The following VPS13C variants were observed in gnomAD, a reference collection of about 807,000 sequenced individuals.
The protein encoded by VPS13C is vacuolar protein sorting 13 homolog C, also known as intermembrane lipid transfer protein VPS13C.
In VPS13C, 358 loss-of-function variants were observed where a neutral mutation model predicts 456.8. The ratio of observed to expected loss-of-function variants is 0.78; its 90% CI spans 0.72 to 0.86. The LOEUF (loss-of-function observed/expected upper bound fraction) is 0.86, where lower values mean the gene tolerates loss of function less well. Ranked by LOEUF, VPS13C falls within the 40% of genes least tolerant of loss-of-function variation. The probability of loss-of-function intolerance (pLI) is 0.00; values close to 1 mark genes in which losing one functional copy is unlikely to be tolerated. For synonymous variants in VPS13C, 1,578 were observed against 1,486.7 expected (o/e 1.06, Z -1.41); for missense variants, 4,818 against 4,385.4 (o/e 1.10, Z -2.79).
chr15:61,975,725 C>T, intron 24 of VPS13C, among the ~76,000 whole-genome samples: 1 of 152,018 alleles, frequency 6.6e-6, no homozygotes, highest in Non-Finnish European at 1.5e-5. Flanking sequence ...TAGTTCTACA[C>T]AGTATCTTCC....
At chr15:61,878,574 C>G (rs559342000) in intron 74 of VPS13C, 33 bp downstream of exon 74, 9 of 1,597,764 alleles carry the variant, frequency 5.6e-6, no homozygotes, top group South Asian at 4.5e-5. Flanking sequence ...CTTGGTACAC[C>G]TGCTTCTCAA....
intron 6 of VPS13C, among the ~76,000 whole-genome samples, chr15:62,026,461 G>A (rs2047644228): frequency 6.6e-6 from 1 of 152,086 alleles, no homozygotes; most frequent in African/African-American, 2.4e-5. Flanking sequence ...TCTCAAGTTG[G>A]CAAATACAAG....
chr15:61,922,895 GTAAC>G (rs1313022561), intron 53 of VPS13C, 133 bp from the exon 54 acceptor site: 5 of 746,100 alleles, frequency 6.7e-6, no homozygotes, highest in African/African-American at 1.8e-5. Context: ...TTAAATTAAA[GTAAC>G]TAATTTAAAT....
Position 61,951,960 on chromosome 15 carries a change from T to C in VPS13C, c.4320A>G (p.Lys1440=). The C allele has an allele frequency of 6.2e-7, 1 of 1,613,038 alleles. No individual in the cohort carries two copies. The highest frequency in any genetic ancestry group is 8.5e-7 in the Non-Finnish European group (1 of 1,179,646). Residue 1440 remains lysine (K), a synonymous_variant, in exon 39 of 85, where the codon AAA becomes AAG. Transcript: ENST00000644861. The part of the protein sequence containing the change: ...EIKEVVVTLM[K]KSEKKGRPLH... Reference sequence around the variant, plus strand: ...AAGGCCTTCCTTTCTTTTCTGATTTTTTCATCAAAGTAACCACAACCTAAA... The same window carrying C: ...AAGGCCTTCCTTTCTTTTCTGATTTCTTCATCAAAGTAACCACAACCTAAA...
chr15:62,048,373 G>A (rs1389572172), intron 1 of VPS13C, among the ~76,000 whole-genome samples: 4 of 149,610 alleles, frequency 2.7e-5, no homozygotes, highest in East Asian at 4.0e-4. Context: ...TTGTCCTTGC[G>A]ATAGTTTACT....
In VPS13C at chr15:61,931,081, C is replaced by A. The variant is rs749376841; in HGVS notation, c.6038+9G>T. Reference sequence around the variant, plus strand: ...TAAATAATGTATTGCAAACTCAGAGCTGACAAACCTCGATGTTGCTCTCTC... The same window carrying A: ...TAAATAATGTATTGCAAACTCAGAGATGACAAACCTCGATGTTGCTCTCTC... On this transcript the variant is annotated intron_variant, in intron 50 of 84. Transcript: ENST00000644861. 1 of 1,613,706 alleles carries A rather than the reference C, an allele frequency of 6.2e-7. No homozygotes were observed. Among genetic ancestry groups the A allele is most frequent in the African/African-American group, 1.3e-5 (1 of 74,918 alleles).
intron 66 of VPS13C, among the ~76,000 whole-genome samples, chr15:61,894,737 G>T (rs746517936): frequency 6.6e-6 from 1 of 152,058 alleles, no homozygotes; most frequent in African/African-American, 2.4e-5. Context: ...AATATATAAA[G>T]AAAATAATAA....
chr15:61,876,702 G>A (rs541128797), intron 75 of VPS13C, among the ~76,000 whole-genome samples: 1 of 151,830 alleles, frequency 6.6e-6, no homozygotes, highest in Non-Finnish European at 1.5e-5. Context: ...AAGAAATCAA[G>A]TATAATGACT....
At chr15:61,925,405 G>C (rs765335489) in intron 53 of VPS13C, 51 bp downstream of exon 53, 1 of 1,119,748 alleles carries the variant, frequency 8.9e-7, no homozygotes, top group Non-Finnish European at 1.2e-6. Context: ...AATATGCAAT[G>C]TCGTGAAGAA....
In VPS13C at chr15:61,941,476, A is replaced by C. The variant is rs562953957; in HGVS notation, c.5453+287T>G. Among the ~76,000 whole-genome samples, 166 of 152,346 alleles carry C rather than the reference A, an allele frequency of 1.1e-3. 1 individual carries two copies. The highest frequency in any genetic ancestry group is 3.7e-3 in the African/African-American group (155 of 41,586). The stretch of plus-strand genomic sequence containing the variant: ...GGAAATAGCTACGTGCAAAGTGAGA[A>C]AAATAAAAAATTTAAACTAAGTATT... On this transcript the variant is annotated intron_variant, in intron 46 of 84. Transcript: ENST00000644861.
chr15:61,917,665 G>C (rs781751360), intron 59 of VPS13C, 30 bp from the exon 60 acceptor site: 1 of 1,591,528 alleles, frequency 6.3e-7, no homozygotes, highest in Admixed American at 1.7e-5. Context: ...TGACAATAAA[G>C]TTTTGATCCA....
At chr15:61,932,531 A>G (rs2044096197) in intron 49 of VPS13C, among the ~76,000 whole-genome samples, 1 of 151,918 alleles carries the variant, frequency 6.6e-6, no homozygotes, top group African/African-American at 2.4e-5. Context: ...GATTTAAAAA[A>G]AAAAAAACCC....
chr15:61,999,765 T>C (rs1185962468), intron 16 of VPS13C, among the ~76,000 whole-genome samples: 2 of 149,312 alleles, frequency 1.3e-5, no homozygotes, highest in African/African-American at 4.9e-5. Flanking sequence ...TAAAACATTA[T>C]CAGTAGATCA....
chr15:62,000,634 A>C lies in VPS13C; in HGVS notation c.1291-8T>G, dbSNP rs367635750. 4 of 1,590,184 alleles carry C rather than the reference A, an allele frequency of 2.5e-6. No individual in the cohort carries two copies. Among genetic ancestry groups the C allele is most frequent in the Non-Finnish European group, 3.4e-6 (4 of 1,173,526 alleles). ...TAGAGTCTTCTCCAAGTCCTGTAAAAAACAGAGGCACTTATAAACAAGAAA... is the reference window on the plus strand; with the variant it reads ...TAGAGTCTTCTCCAAGTCCTGTAAACAACAGAGGCACTTATAAACAAGAAA... On this transcript the variant is annotated splice_polypyrimidine_tract_variant and splice_region_variant and intron_variant, in intron 15 of 84. Transcript: ENST00000644861.
At position 61,934,267 on chromosome 15, in the gene VPS13C, A is replaced by C; in HGVS notation, c.5820T>G (p.Phe1940Leu). 6.3e-7 allele frequency: 1 copy of C among 1,598,726 alleles called. No individual in the cohort carries two copies. Among genetic ancestry groups the C allele is most frequent in the South Asian group, 1.1e-5 (1 of 88,364 alleles). The part of the protein sequence containing the change: ...MNQIVSLQFD[F>L]HFESLSIILY... ...GGATAATGGAAAGAGATTCAAAGTG[A>C]AAGTCAAATTGGAGACTGACAATCT... The change falls in exon 49 of 85, where the codon TTT (phenylalanine) becomes TTG (leucine). Residue 1940 changes from phenylalanine (F) to leucine (L), a missense_variant. Physicochemically the swap from Phe to Leu is conservative, Grantham distance 22. Around this residue, in one of 3 missense-constraint regions of VPS13C, gnomAD observed 4,552 missense variants for 4,130.6 expected, o/e 1.10. Coordinates refer to ENST00000644861, the MANE Select transcript of VPS13C (RefSeq NM_020821.3).
rs769200765 is a variant in VPS13C at position 61,890,399 on chromosome 15, T to C, written c.9107A>G (p.Asp3036Gly). The change falls in exon 67 of 85, where the codon GAT becomes GGT. Residue 3036 changes from aspartate to glycine, a missense_variant and splice_region_variant. This residue lies in a region of VPS13C where 4,552 missense variants were observed against 4,130.6 expected (regional missense o/e 1.10). Coordinates refer to ENST00000644861, the MANE Select transcript of VPS13C (RefSeq NM_020821.3). ...ANVGEHDLLK[D>G]GCGQFPYDAN... ...ATCATATGGAAACTGTCCACATCCA[T>C]CCTGGGAAGAAGAAAGACTTCATTA... 29 of 1,612,700 alleles carry C rather than the reference T, an allele frequency of 1.8e-5. No individual in the cohort carries two copies. The highest frequency in any genetic ancestry group is 2.3e-5 in the Non-Finnish European group (27 of 1,178,938).
chr15:62,048,212 G>C (rs185547855), intron 1 of VPS13C, among the ~76,000 whole-genome samples: 16 of 149,730 alleles, frequency 1.1e-4, no homozygotes, highest in South Asian at 1.1e-3. Flanking sequence ...CCATTAACTC[G>C]TCATTTAGCA....
Position 61,951,842 on chromosome 15 carries a change from G to A in VPS13C, c.4438C>T (p.Gln1480Ter). The change falls in exon 39 of 85, where the codon CAG (glutamine) becomes TAG (stop). Residue 1480 changes from glutamine (Q) to a stop codon, truncating the protein, a stop_gained. Coordinates refer to ENST00000644861, the MANE Select transcript of VPS13C (RefSeq NM_020821.3). LOFTEE classifies it high-confidence loss of function. ...CACTTACCAGTGAAATCAAAGCACT[G>A]CATACTAATTTTTTTTAGATAAGCT... ...AKAYLKKISM[Q>*]CFDFTDSKGE... The A allele has an allele frequency of 6.2e-7, 1 of 1,611,526 alleles. No individual in the cohort carries two copies. The highest frequency in any genetic ancestry group is 1.1e-5 in the South Asian group (1 of 90,408).
intron 1 of VPS13C, 23 bp downstream of exon 1, chr15:62,060,252 A>G (rs754411701): frequency 4.6e-6 from 7 of 1,511,976 alleles, no homozygotes; most frequent in Non-Finnish European, 6.4e-6. Context: ...CCCGCAGCCC[A>G]CTGGCCGCGC....
Sources: allele counts gnomAD v4.1 joint callset (sites outside exome capture counted in the v4.1 genomes callset), GRCh38; gene constraint gnomAD v4.1.1; regional missense constraint gnomAD v4.1.1; transcripts MANE v1.5; gene names NCBI Gene and HGNC (gene_info 2026-07-23, HGNC 2026-07-21).